TEX36: variants seen among roughly 807,000 people sequenced by gnomAD.
TEX36 encodes the protein testis-expressed protein 36.
TEX36 carries 12 observed loss-of-function variants against 13.6 expected under a neutral mutation model. That is an observed-to-expected ratio of 0.88 (90% CI 0.56 to 1.43). The LOEUF is 1.43. TEX36 is among the 40% of genes most tolerant of loss of function. The probability of loss-of-function intolerance (pLI) is 0.00; values close to 1 mark genes in which losing one functional copy is unlikely to be tolerated. For missense variants in TEX36, 224 were observed against 228.3 expected (o/e 0.98, Z 0.12); for synonymous variants, 93 against 83.0 (o/e 1.12, Z -0.65).
intron 3 of TEX36, among the ~76,000 whole-genome samples, chr10:125,616,260 T>C (rs1045970025): frequency 1.1e-4 from 17 of 152,076 alleles, no homozygotes; most frequent in Non-Finnish European, 2.1e-4. Context: ...ATTTTTTGAA[T>C]GGTTTTTTTG....
chr10:125,658,599 TGTTAAA>T (rs1421408666), intron 3 of TEX36, among the ~76,000 whole-genome samples: 4 of 152,084 alleles, frequency 2.6e-5, no homozygotes, highest in Admixed American at 6.5e-5. Flanking sequence ...ACGACACACT[TGTTAAA>T]GTTAATCACA....
At chr10:125,580,801 C>T (rs536112086) in intron 3 of TEX36, among the ~76,000 whole-genome samples, 2 of 152,292 alleles carry the variant, frequency 1.3e-5, no homozygotes, top group East Asian at 3.9e-4. Context: ...TTCCATCACC[C>T]TGACTACCAT....
rs141978048 is a variant in TEX36 at position 125,598,364 on chromosome 10, T to C, written c.265-21490A>G. Among the ~76,000 whole-genome samples, 1,114 of 152,284 alleles carry C rather than the reference T, an allele frequency of 7.3e-3. 5 individuals carry two copies. The highest frequency in any genetic ancestry group is 0.022 in the Admixed American group (334 of 15,304). On this transcript the variant is annotated intron_variant, in intron 3 of 3. Coordinates refer to the TEX36 transcript ENST00000532135. Reference sequence around the variant, plus strand: ...AACTGGGTTAGTTTTTTGGCGGTGATGGTAACCCTGTCTGGGTGATGCTGA... The same window carrying C: ...AACTGGGTTAGTTTTTTGGCGGTGACGGTAACCCTGTCTGGGTGATGCTGA...
chr10:125,600,550 T>A (rs1015964500), intron 3 of TEX36, among the ~76,000 whole-genome samples: 1 of 152,052 alleles, frequency 6.6e-6, no homozygotes. Context: ...TTACTTAAAA[T>A]CAGAAAAAAG....
chr10:125,614,487 G>C (rs1846331909), intron 3 of TEX36, among the ~76,000 whole-genome samples: 1 of 151,460 alleles, frequency 6.6e-6, no homozygotes, highest in South Asian at 2.1e-4. Context: ...TCCAGTTTCA[G>C]CTTTCTACAT....
At chr10:125,647,726 C>CAAGG (rs1846792726) in intron 3 of TEX36, among the ~76,000 whole-genome samples, 2 of 150,984 alleles carry the variant, frequency 1.3e-5, no homozygotes, top group South Asian at 4.2e-4. Flanking sequence ...CCAGGAAGCA[C>CAAGG]AAGGGGTCAG....
chr10:125,640,135 C>T, intron 3 of TEX36: 1 of 985,154 alleles, frequency 1.0e-6, no homozygotes, highest in Non-Finnish European at 1.2e-6. Flanking sequence ...GGGATTGTCC[C>T]CTGCAGATGT....
intron 1 of TEX36, among the ~76,000 whole-genome samples, chr10:125,679,145 C>G (rs1019869396): frequency 7.2e-6 from 1 of 138,470 alleles, no homozygotes; most frequent in African/African-American, 3.1e-5. Context: ...AGCACCCCCC[C>G]CGCCCCCGCC....
At chr10:125,600,892 A>G (rs1049201199) in intron 3 of TEX36, among the ~76,000 whole-genome samples, 1 of 152,208 alleles carries the variant, frequency 6.6e-6, no homozygotes, top group Non-Finnish European at 1.5e-5. Flanking sequence ...GCCCATTTCT[A>G]TCTGGATCCT....
At chr10:125,676,750 A>G (rs1847319713) in intron 1 of TEX36, among the ~76,000 whole-genome samples, 1 of 152,046 alleles carries the variant, frequency 6.6e-6, no homozygotes, top group Non-Finnish European at 1.5e-5. Flanking sequence ...CTGTAGTGGT[A>G]CAATTTGAAT....
chr10:125,604,547 C>T lies in TEX36; in HGVS notation c.265-27673G>A, dbSNP rs1039491209. Among the ~76,000 whole-genome samples, 7 of 152,170 alleles carry T rather than the reference C, an allele frequency of 4.6e-5. No homozygotes were observed. The East Asian group carries it at 1.3e-3, about 29-fold the overall frequency. On this transcript the variant is annotated intron_variant, in intron 3 of 3. Transcript: ENST00000532135. ...AAAAAAAGAGAGCCAAGGGCAGTGG[C>T]TCATGCCTGCAATCCCAGCACTTTG...
Position 125,656,148 on chromosome 10 carries a change from T to C in TEX36, c.313A>G (p.Arg105Gly), listed in dbSNP as rs1171637113. Residue 105 changes from arginine (R) to glycine (G), a missense_variant, in exon 4 of 4, where the codon AGA becomes GGA. By Grantham distance (125) the Arg-to-Gly change is moderately radical (BLOSUM62 -2). Coordinates refer to ENST00000368821, the MANE Select transcript of TEX36 (RefSeq NM_001128202.3). ...ISPDKRQHVSRNFNLWACDYV... is the reference protein window; with the variant it reads ...ISPDKRQHVSGNFNLWACDYV... ...TCACATGCCCAGAGATTAAAATTTC[T>C]TGAAACATGTTGCCTCTTATCTGGA... 1 of 1,545,242 alleles carries C rather than the reference T, an allele frequency of 6.5e-7. No individual in the cohort carries two copies.
At chr10:125,658,902 A>T (rs1351094021) in intron 3 of TEX36, among the ~76,000 whole-genome samples, 1 of 152,144 alleles carries the variant, frequency 6.6e-6, no homozygotes, top group Non-Finnish European at 1.5e-5. Flanking sequence ...GTTTTAATAA[A>T]TTATTAACAA....
intron 3 of TEX36, among the ~76,000 whole-genome samples, chr10:125,635,649 G>A (rs1846614747): frequency 6.6e-6 from 1 of 152,138 alleles, no homozygotes. Context: ...CATCCTCCTG[G>A]CCTGAGAACC....
At chr10:125,614,291 T>C (rs978192190) in intron 3 of TEX36, among the ~76,000 whole-genome samples, 7 of 152,234 alleles carry the variant, frequency 4.6e-5, no homozygotes, top group Non-Finnish European at 1.0e-4. Flanking sequence ...CTTAATTAGA[T>C]CCCATTTGTC....
intron 3 of TEX36, among the ~76,000 whole-genome samples, chr10:125,635,353 G>A (rs191251202): frequency 1.4e-4 from 21 of 152,246 alleles, no homozygotes; most frequent in Admixed American, 5.9e-4. Flanking sequence ...TACAAGGAAG[G>A]TCCTATCATT....
intron 3 of TEX36, among the ~76,000 whole-genome samples, chr10:125,587,759 AG>A (rs1293212975): frequency 6.6e-6 from 1 of 150,878 alleles, no homozygotes; most frequent in Non-Finnish European, 1.5e-5. Context: ...CTGGGCTACA[AG>A]GGCGAGCGAA....
intron 3 of TEX36, among the ~76,000 whole-genome samples, chr10:125,591,667 A>G (rs1426037550): frequency 6.6e-6 from 1 of 152,238 alleles, no homozygotes; most frequent in African/African-American, 2.4e-5. Context: ...GTATTAGAGC[A>G]GATCTTAGTC....
At chr10:125,616,212 T>G (rs1395600725) in intron 3 of TEX36, among the ~76,000 whole-genome samples, 2 of 152,228 alleles carry the variant, frequency 1.3e-5, no homozygotes, top group Non-Finnish European at 2.9e-5. Context: ...CTATCAATTT[T>G]GTTGATCCTT....
Sources: gnomAD v4.1 joint callset for allele counts (sites outside exome capture counted in the v4.1 genomes callset) on GRCh38, gnomAD v4.1.1 for gene constraint, MANE v1.5 for transcripts, NCBI Gene and HGNC (gene_info 2026-07-23, HGNC 2026-07-21) for gene names.